The following PTPRD variants were observed in gnomAD, a reference collection of about 807,000 sequenced individuals.
The protein encoded by PTPRD is protein tyrosine phosphatase receptor type D.
PTPRD carries 34 observed loss-of-function variants against 214.5 expected under a neutral mutation model. That is an observed-to-expected ratio of 0.16 (90% CI 0.12 to 0.21). The LOEUF (loss-of-function observed/expected upper bound fraction) is 0.21, where lower values mean the gene tolerates loss of function less well. PTPRD is among the 10% of genes least tolerant of loss of function. The pLI is 1.00. For missense variants in PTPRD, 2,545 were observed against 2,398.7 expected (o/e 1.06, Z -1.27); for synonymous variants, 1,128 against 845.7 (o/e 1.33, Z -5.79).
rs1039103336 is a variant in PTPRD, at chr9:9,276,294, G to A, written c.-202-92931C>T. On this transcript the variant is annotated intron_variant, in intron 9 of 45. Transcript: ENST00000381196. ...GTTTGATTCTTTAACTAAGAGAGCAGAAGAAATAATATATTGTATAATTGC... is the reference window on the plus strand; with the variant it reads ...GTTTGATTCTTTAACTAAGAGAGCAAAAGAAATAATATATTGTATAATTGC... Among the ~76,000 whole-genome samples, 3 of 151,340 alleles carry A rather than the reference G, an allele frequency of 2.0e-5. No homozygotes were observed. The East Asian group carries it at 5.9e-4, about 30-fold the overall frequency.
At chr9:9,801,568 A>G (rs867710402) in intron 5 of PTPRD, among the ~76,000 whole-genome samples, 9 of 152,108 alleles carry the variant, frequency 5.9e-5, no homozygotes, top group Admixed American at 2.0e-4. Context: ...TTCTGTGGCC[A>G]CTGGAGAGTA....
At chr9:9,816,250 T>A (rs1313289489) in intron 5 of PTPRD, among the ~76,000 whole-genome samples, 4 of 152,116 alleles carry the variant, frequency 2.6e-5, no homozygotes, top group African/African-American at 9.7e-5. Context: ...CTAAACAAAT[T>A]TTTTCCGTTA....
chr9:9,237,944 T>G (rs965444783), intron 9 of PTPRD, among the ~76,000 whole-genome samples: 3 of 152,196 alleles, frequency 2.0e-5, no homozygotes, highest in Non-Finnish European at 2.9e-5. Flanking sequence ...CTTCTGTTCC[T>G]CCTTCTGCCT....
chr9:9,712,255 C>T (rs1018253607), intron 7 of PTPRD, among the ~76,000 whole-genome samples: 1 of 152,096 alleles, frequency 6.6e-6, no homozygotes, highest in South Asian at 2.1e-4. Flanking sequence ...TAACATTTCT[C>T]ATTTTTAAAA....
chr9:10,002,247 T>C (rs890462748), intron 4 of PTPRD, among the ~76,000 whole-genome samples: 1 of 148,372 alleles, frequency 6.7e-6, no homozygotes, highest in Non-Finnish European at 1.5e-5. Context: ...TAAAGAAACA[T>C]AGGAACAAAA....
intron 9 of PTPRD, among the ~76,000 whole-genome samples, chr9:9,222,467 A>G (rs974648441): frequency 6.6e-6 from 1 of 152,078 alleles, no homozygotes; most frequent in East Asian, 1.9e-4. Flanking sequence ...AGCAACTTTA[A>G]AAAATTTATT....
intron 6 of PTPRD, among the ~76,000 whole-genome samples, chr9:9,738,172 A>C (rs1265746024): frequency 2.6e-5 from 4 of 152,114 alleles, no homozygotes; most frequent in African/African-American, 9.7e-5. Context: ...TTAACGGGTG[A>C]GGCACACCAA....
At position 8,700,229 on chromosome 9, in the gene PTPRD, T is replaced by C. The variant is rs565906028; in HGVS notation, c.64+33551A>G. Among the ~76,000 whole-genome samples the C allele has an allele frequency of 3.3e-5, 5 of 152,302 alleles. No individual in the cohort carries two copies. In the South Asian group the frequency reaches 1.0e-3, roughly 32 times the overall value. ...CATCATACTACAAAATTACTTTCAT[T>C]TAAGAAACTATGCTGCCATCAGTAA... On this transcript the variant is annotated intron_variant, in intron 12 of 45. Coordinates refer to ENST00000381196, the MANE Select transcript of PTPRD (RefSeq NM_002839.4).
chr9:8,789,467 T>C (rs903515968), intron 11 of PTPRD, among the ~76,000 whole-genome samples: 2 of 152,184 alleles, frequency 1.3e-5, no homozygotes, highest in African/African-American at 4.8e-5. Context: ...CACATAGCAG[T>C]AGAATTTCAA....
At chr9:9,993,967 A>C (rs1048538395) in intron 4 of PTPRD, among the ~76,000 whole-genome samples, 2 of 152,192 alleles carry the variant, frequency 1.3e-5, no homozygotes, top group African/African-American at 4.8e-5. Flanking sequence ...AAATATGTAT[A>C]ATACGTACTA....
At position 9,550,481 on chromosome 9, in the gene PTPRD, C is replaced by T. The variant is rs1308093862; in HGVS notation, c.-237+24251G>A. Reference sequence around the variant, plus strand: ...TACGTAGTATATTATGCACTATATACTATATATATGGTATGATATGTAGGA... The same window carrying T: ...TACGTAGTATATTATGCACTATATATTATATATATGGTATGATATGTAGGA... On this transcript the variant is annotated intron_variant, in intron 8 of 45. Transcript: ENST00000381196. Among the ~76,000 whole-genome samples the T allele has an allele frequency of 3.4e-5, 5 of 147,528 alleles. No individual in the cohort carries two copies. The South Asian group carries it at 6.3e-4, about 19-fold the overall frequency.
chr9:10,605,686 A>G (rs1019680387), intron 2 of PTPRD, among the ~76,000 whole-genome samples: 2 of 151,770 alleles, frequency 1.3e-5, no homozygotes, highest in African/African-American at 4.8e-5. Flanking sequence ...ATAAAGGGAG[A>G]AATGCCTTAG....
intron 11 of PTPRD, among the ~76,000 whole-genome samples, chr9:8,929,992 G>C (rs1208261536): frequency 6.6e-6 from 1 of 150,386 alleles, no homozygotes; most frequent in Non-Finnish European, 1.5e-5. Flanking sequence ...TTAAGTTCTA[G>C]GATACATGTG....
chr9:8,940,945 T>TTCA (rs2099030344), intron 11 of PTPRD, among the ~76,000 whole-genome samples: 1 of 152,094 alleles, frequency 6.6e-6, no homozygotes, highest in African/African-American at 2.4e-5. Context: ...TTAAAAGACT[T>TTCA]AGTTCAAAGC....
intron 11 of PTPRD, among the ~76,000 whole-genome samples, chr9:8,931,658 T>G (rs2098953453): frequency 6.6e-6 from 1 of 152,182 alleles, no homozygotes; most frequent in African/African-American, 2.4e-5. Flanking sequence ...GGTTTACGTA[T>G]CACGATGATG....
At chr9:8,416,888 T>C (rs1564655435) in intron 35 of PTPRD, among the ~76,000 whole-genome samples, 2 of 152,076 alleles carry the variant, frequency 1.3e-5, no homozygotes, top group Non-Finnish European at 2.9e-5. Context: ...AGGGTTAAGA[T>C]ACTTTCCATG....
chr9:9,391,126 T>G (rs2065698565), intron 9 of PTPRD, among the ~76,000 whole-genome samples: 1 of 150,918 alleles, frequency 6.6e-6, no homozygotes, highest in Middle Eastern at 3.2e-3. Flanking sequence ...AAATATGAAA[T>G]GAATGGAGGG....
chr9:8,667,967 A>T (rs149259845), intron 12 of PTPRD, among the ~76,000 whole-genome samples: 1 of 152,138 alleles, frequency 6.6e-6, no homozygotes, highest in Non-Finnish European at 1.5e-5. Context: ...AAAATAAAAT[A>T]AAAACTAAGA....
At position 8,500,735 on chromosome 9, in the gene PTPRD, C is replaced by T. The variant is rs749684432; in HGVS notation, c.2128+19G>A. 2.0e-5 allele frequency: 32 copies of T among 1,611,724 alleles called. No homozygotes were observed. Among genetic ancestry groups the T allele is most frequent in the East Asian group, 4.5e-5 (2 of 44,870 alleles). Reference sequence around the variant, plus strand: ...ACTGTGTCAGAAGGGTGCAAACTGACGTAGCGGAGGCAACATACCATCTTC... The same window carrying T: ...ACTGTGTCAGAAGGGTGCAAACTGATGTAGCGGAGGCAACATACCATCTTC... On this transcript the variant is annotated intron_variant, in intron 24 of 45. Transcript: ENST00000381196.
Sources: gnomAD v4.1 joint callset for allele counts (sites outside exome capture counted in the v4.1 genomes callset) on GRCh38, gnomAD v4.1.1 for gene constraint, MANE v1.5 for transcripts, NCBI Gene and HGNC (gene_info 2026-07-23, HGNC 2026-07-21) for gene names.